Variants in RAB9B observed in about 807,000 individuals in gnomAD.
The protein encoded by RAB9B is RAB9B, member RAS oncogene family.
In RAB9B, 1 loss-of-function variant was observed where a neutral mutation model predicts 8.9. The ratio of observed to expected loss-of-function variants is 0.11; its 90% CI spans 0.04 to 0.53. RAB9B has a LOEUF of 0.53. RAB9B is among the 20% of genes least tolerant of loss of function. The pLI is 0.93. For missense variants in RAB9B, 82 were observed against 152.9 expected, an observed-to-expected ratio of 0.54 and a Z score of 2.45; for synonymous variants, 63 against 57.0, an observed-to-expected ratio of 1.10 and a Z score of -0.47.
At chrX:103,796,847 CAAAAAAAA>C in the RAB9B span, among the ~76,000 whole-genome samples, 3 of 12,110 alleles carry the variant, frequency 2.5e-4, no homozygotes, top group Non-Finnish European at 1.6e-4. Flanking sequence ...ACCGCCTCTA[CAAAAAAAA>C]AAAAAAAAAA....
chrX:103,821,164 C>G (rs995596354), downstream of RAB9B, among the ~76,000 whole-genome samples: 6 of 108,858 alleles, frequency 5.5e-5, no homozygotes, highest in African/African-American at 2.0e-4. Flanking sequence ...GAGACCCTGT[C>G]TCAAAAAAAA....
At chrX:103,831,338 A>G (rs1049402961) in intron 1 of RAB9B, among the ~76,000 whole-genome samples, 5 of 107,419 alleles carry the variant, frequency 4.7e-5, no homozygotes, top group Admixed American at 1.0e-4. Flanking sequence ...CTAACAAGTT[A>G]TCAGCTACAT....
At chrX:103,791,825 A>G in the RAB9B span, 7 of 113,111 alleles carry the variant, frequency 6.2e-5, no homozygotes, top group Non-Finnish European at 1.1e-4. Context: ...GGGATTTTCT[A>G]CAAGTATTCT....
chrX:103,778,394 T>G, the RAB9B span, among the ~76,000 whole-genome samples: 1 of 112,207 alleles, frequency 8.9e-6, no homozygotes, highest in African/African-American at 3.2e-5. Flanking sequence ...TGACCAATTA[T>G]GTGTGACCAG....
chrX:103,783,692 A>G, the RAB9B span, among the ~76,000 whole-genome samples: 245 of 112,272 alleles, frequency 2.2e-3, no homozygotes, highest in Middle Eastern at 4.6e-3. Context: ...ACAAACTGTA[A>G]CTAATGTTAA....
chrX:103,778,364 G>A, the RAB9B span, among the ~76,000 whole-genome samples: 4 of 112,016 alleles, frequency 3.6e-5, no homozygotes, highest in Non-Finnish European at 5.6e-5. Flanking sequence ...TTTTCTTTGC[G>A]TGCTTGGGTC....
chrX:103,815,444 G>A, the RAB9B span, among the ~76,000 whole-genome samples: 13 of 112,326 alleles, frequency 1.2e-4, no homozygotes, highest in Admixed American at 3.8e-4. Flanking sequence ...AAAATAATAA[G>A]AGCTATTTAT....
At chrX:103,778,684 C>T in the RAB9B span, among the ~76,000 whole-genome samples, 3 of 111,457 alleles carry the variant, frequency 2.7e-5, no homozygotes, top group African/African-American at 9.8e-5. Context: ...CATTGGGTCC[C>T]AGGTCCTAAG....
At chrX:103,776,466 A>G in the RAB9B span, 1 of 113,168 alleles carries the variant, frequency 8.8e-6, no homozygotes, top group East Asian at 2.8e-4. Context: ...TTGGGAGCTA[A>G]TATCTAGGTT....
At chrX:103,812,834 T>C in the RAB9B span, among the ~76,000 whole-genome samples, 1 of 110,193 alleles carries the variant, frequency 9.1e-6, no homozygotes, top group African/African-American at 3.3e-5. Context: ...TACTTCCCCA[T>C]CCCTAACTCT....
the RAB9B span, chrX:103,788,017 A>G: frequency 9.9e-7 from 1 of 1,009,041 alleles, no homozygotes; most frequent in Non-Finnish European, 1.4e-6. Flanking sequence ...TGGAAGCACT[A>G]TATATTTGGT....
At position 103,825,403 on chromosome X, in the gene RAB9B, T is replaced by C; in HGVS notation, c.382A>G (p.Lys128Glu). ...TCAGTAGTCACTTGCCTATCCTCTT[T>C]GTCTACCTTGTTACCCAGAACTACA... The part of the protein sequence containing the change: ...PFVVLGNKVD[K>E]EDRQVTTEEA... The change falls in exon 3 of 3, where the codon AAA becomes GAA. Residue 128 changes from lysine to glutamate, a missense_variant. By Grantham distance (56) the Lys-to-Glu change is moderately conservative (BLOSUM62 1). Coordinates refer to ENST00000243298, the MANE Select transcript of RAB9B (RefSeq NM_016370.4). The C allele has an allele frequency of 1.7e-6, 2 of 1,211,923 alleles. No homozygotes were observed. Among genetic ancestry groups the C allele is most frequent in the Non-Finnish European group, 2.2e-6 (2 of 895,562 alleles).
Position 103,825,354 on chromosome X carries a change from T to C in RAB9B, c.431A>G (p.Glu144Gly). 1 of 1,211,759 alleles carries C rather than the reference T, an allele frequency of 8.3e-7. No homozygotes were observed. Among genetic ancestry groups the C allele is most frequent in the Non-Finnish European group, 1.1e-6 (1 of 895,409 alleles). ...TTEEAQTWCM[E>G]NGDYPYLETS... ...TTCTAAATAAGGGTAATCCCCATTC[T>C]CCATGCACCAGGTTTGTGCCTCCTC... Residue 144 changes from glutamate (E) to glycine (G), a missense_variant, in exon 3 of 3, where the codon GAG becomes GGG. Physicochemically the swap from Glu to Gly is moderately conservative, Grantham distance 98. Transcript: ENST00000243298.
chrX:103,804,747 AT>A, the RAB9B span, among the ~76,000 whole-genome samples: 1 of 110,891 alleles, frequency 9.0e-6, no homozygotes, highest in Non-Finnish European at 1.9e-5. Flanking sequence ...TTTTTTGTCA[AT>A]TTTTTTCTAA....
rs867083121 is a variant in RAB9B at position 103,827,808 on chromosome X, G to A, written c.-116-730C>T. On this transcript the variant is annotated intron_variant, in intron 1 of 2. Transcript: ENST00000243298. ...CAGCCTTCTGAGTAGCTGGGACTAC[G>A]GGCATGCACCACCATGCCCGGCTAA... 2.7e-5 allele frequency among the ~76,000 whole-genome samples: 3 copies of A among 110,485 alleles called. No individual in the cohort carries two copies. In the Admixed American group the frequency reaches 2.9e-4, roughly 11 times the overall value.
the RAB9B span, among the ~76,000 whole-genome samples, chrX:103,800,023 A>G: frequency 2.7e-5 from 3 of 111,624 alleles, no homozygotes; most frequent in Admixed American, 9.5e-5. Context: ...AGGTAGCAAC[A>G]TAATACTTGA....
chrX:103,824,030 T>A lies in RAB9B; in HGVS notation c.*1149A>T, dbSNP rs2074673458. On this transcript the variant is annotated 3_prime_UTR_variant, in exon 3 of 3. Transcript: ENST00000243298. ...CTTTTTATGGTATTCTAACAGATGGTCATCCAGTGAATATTTTCAGAGGCA... is the reference window on the plus strand; with the variant it reads ...CTTTTTATGGTATTCTAACAGATGGACATCCAGTGAATATTTTCAGAGGCA... 8.9e-6 allele frequency: 1 copy of A among 112,202 alleles called. No homozygotes were observed. The highest frequency in any genetic ancestry group is 1.9e-5 in the Non-Finnish European group (1 of 53,244). 9.2% of individuals were successfully genotyped at this position (112,202 alleles called of 1,213,427 possible). A position where few individuals can be genotyped will look rare whatever the true frequency, so the allele number is the denominator to read the frequency against.
chrX:103,804,440 A>G, the RAB9B span, among the ~76,000 whole-genome samples: 1 of 112,077 alleles, frequency 8.9e-6, no homozygotes, highest in Admixed American at 9.5e-5. Context: ...TGAGTCCTCC[A>G]ACTTTATTCT....
At chrX:103,813,165 C>T in the RAB9B span, among the ~76,000 whole-genome samples, 1 of 109,797 alleles carries the variant, frequency 9.1e-6, no homozygotes, top group African/African-American at 3.3e-5. Flanking sequence ...TTGTGATCTG[C>T]CTGCCTTGGC....
Sources: allele counts gnomAD v4.1 joint callset (sites outside exome capture counted in the v4.1 genomes callset), GRCh38; gene constraint gnomAD v4.1.1; transcripts MANE v1.5; gene names NCBI Gene and HGNC (gene_info 2026-07-23, HGNC 2026-07-21).